Variants in GRM1 observed in about 807,000 individuals in gnomAD.
GRM1 encodes metabotropic glutamate receptor 1.
A neutral mutation model predicts 90.9 loss-of-function variants in GRM1; 33 were observed. The ratio of observed to expected loss-of-function variants is 0.36; its 90% CI spans 0.28 to 0.49. The LOEUF (loss-of-function observed/expected upper bound fraction) is 0.49. Ranked by LOEUF, GRM1 falls within the 20% of genes least tolerant of loss-of-function variation. The pLI is 0.99. For synonymous variants in GRM1, 700 were observed against 613.2 expected, an observed-to-expected ratio of 1.14 and a Z score of -2.09; for missense variants, 1,190 against 1,534.3, an observed-to-expected ratio of 0.78 and a Z score of 3.75.
At chr6:146,293,973 T>TATTTTAATTTTA (rs1783086044) in intron 2 of GRM1, among the ~76,000 whole-genome samples, 1 of 147,222 alleles carries the variant, frequency 6.8e-6, no homozygotes, top group Non-Finnish European at 1.5e-5. Context: ...ATGCTAAATA[T>TATTTTAATTTTA]TGTTTTTTTG....
chr6:146,230,023 G>GAGTAAATA (rs1248337200), intron 2 of GRM1, among the ~76,000 whole-genome samples: 3 of 152,116 alleles, frequency 2.0e-5, no homozygotes, highest in African/African-American at 7.2e-5. Flanking sequence ...TTGCTCTCAG[G>GAGTAAATA]AGTAAATAAA....
chr6:146,409,506 C>A (rs1327311723), intron 7 of GRM1, among the ~76,000 whole-genome samples: 1 of 152,156 alleles, frequency 6.6e-6, no homozygotes, highest in East Asian at 1.9e-4. Flanking sequence ...AAATGCCTCT[C>A]CATTGCCTCG....
chr6:146,124,345 T>A (rs1776114453), intron 1 of GRM1, among the ~76,000 whole-genome samples: 1 of 152,204 alleles, frequency 6.6e-6, no homozygotes, highest in Non-Finnish European at 1.5e-5. Context: ...TCAGTAATAA[T>A]TTCTTCATTG....
At chr6:146,379,979 G>A (rs893054949) in intron 5 of GRM1, among the ~76,000 whole-genome samples, 12 of 151,498 alleles carry the variant, frequency 7.9e-5, no homozygotes, top group South Asian at 4.2e-4. Context: ...TCTCTGTTCT[G>A]AGCCACCTAA....
chr6:146,028,111 G>T (rs1277809904), upstream of GRM1, among the ~76,000 whole-genome samples: 1 of 152,080 alleles, frequency 6.6e-6, no homozygotes, highest in African/African-American at 2.4e-5. Context: ...CTTCAGCCCC[G>T]CAGGCGGCTG....
chr6:146,228,399 C>T (rs1780327298), intron 2 of GRM1, among the ~76,000 whole-genome samples: 1 of 152,134 alleles, frequency 6.6e-6, no homozygotes, highest in Non-Finnish European at 1.5e-5. Context: ...GTTAGGCTCA[C>T]TTTTATATTA....
intron 2 of GRM1, among the ~76,000 whole-genome samples, chr6:146,192,336 A>C (rs1209899100): frequency 6.6e-6 from 1 of 152,184 alleles, no homozygotes; most frequent in African/African-American, 2.4e-5. Context: ...TACATGGAGG[A>C]AAATGTTACC....
intron 1 of GRM1, among the ~76,000 whole-genome samples, chr6:146,093,608 CT>C (rs1288535569): frequency 2.6e-5 from 4 of 152,158 alleles, no homozygotes; most frequent in South Asian, 2.1e-4. Context: ...GTGAACCTCT[CT>C]TTTTTTCTTT....
At chr6:146,355,083 A>G (rs362882) in intron 4 of GRM1, among the ~76,000 whole-genome samples, 4,295 of 152,352 alleles carry the variant, frequency 0.028, 97 homozygotes, top group East Asian at 0.11. Context: ...AAGACATTCT[A>G]GAGCCAGCAT....
At chr6:146,213,972 G>A (rs1434560414) in intron 2 of GRM1, among the ~76,000 whole-genome samples, 1 of 152,098 alleles carries the variant, frequency 6.6e-6, no homozygotes, top group Non-Finnish European at 1.5e-5. Context: ...TGGAGGGCCT[G>A]GAGTCCCAAT....
At chr6:146,233,298 A>T (rs1780509815) in intron 2 of GRM1, among the ~76,000 whole-genome samples, 2 of 152,132 alleles carry the variant, frequency 1.3e-5, no homozygotes, top group South Asian at 4.1e-4. Flanking sequence ...GCTAGGTTCA[A>T]CTTATACTGG....
intron 1 of GRM1, among the ~76,000 whole-genome samples, chr6:146,134,743 C>T (rs1035814417): frequency 6.6e-6 from 1 of 151,934 alleles, no homozygotes; most frequent in African/African-American, 2.4e-5. Context: ...ATCCTGACTA[C>T]CACAGTGAAA....
At chr6:146,053,400 T>G (rs918931965) in intron 1 of GRM1, among the ~76,000 whole-genome samples, 1 of 152,064 alleles carries the variant, frequency 6.6e-6, no homozygotes, top group Non-Finnish European at 1.5e-5. Context: ...CTGATTTAAA[T>G]TACTTTATGT....
At chr6:146,378,386 T>G (rs920521703) in intron 5 of GRM1, among the ~76,000 whole-genome samples, 4 of 152,146 alleles carry the variant, frequency 2.6e-5, no homozygotes, top group Non-Finnish European at 5.9e-5. Context: ...TGGGGCTGTA[T>G]CTGATAAAGC....
rs3064997 is a variant in GRM1 at position 146,043,782 on chromosome 6, G to GATATATATATATATATATATATAT, written c.700+13571_700+13594dup. 6.2e-3 allele frequency among the ~76,000 whole-genome samples: 552 copies of GATATATATATATATATATATATAT among 89,748 alleles called. 7 individuals are homozygous for GATATATATATATATATATATATAT. Among genetic ancestry groups the GATATATATATATATATATATATAT allele is most frequent in the Non-Finnish European group, 0.011 (405 of 37,254 alleles). 58.9% of individuals were successfully genotyped at this position (89,748 alleles called of 152,430 possible). A position where few individuals can be genotyped will look rare whatever the true frequency, so the allele number is the denominator to read the frequency against. ...ACTCTATTTTTGGAAAGAGTCAGGT[G>GATATATATATATATATATATATAT]ATATATATATATATATATATATATA... is the stretch of plus-strand genomic sequence containing the variant. On this transcript the variant is annotated intron_variant, in intron 1 of 7. Transcript: ENST00000282753.
intron 2 of GRM1, among the ~76,000 whole-genome samples, chr6:146,168,431 A>G (rs1562505559): frequency 6.6e-6 from 1 of 151,996 alleles, no homozygotes; most frequent in Non-Finnish European, 1.5e-5. Flanking sequence ...TTCTATATCT[A>G]TTCTTAAACT....
chr6:146,237,853 C>A lies in GRM1; in HGVS notation c.951-66758C>A, dbSNP rs190645049. Among the ~76,000 whole-genome samples the A allele has an allele frequency of 1.2e-3, 177 of 152,208 alleles. 1 individual carries two copies. Among genetic ancestry groups the A allele is most frequent in the Admixed American group, 4.6e-3 (70 of 15,278 alleles). ...ATCCAATTTCATTGTTTTACAAGGG[C>A]GTAAGTACAGACTACGTACTCAAGA... On this transcript the variant is annotated intron_variant, in intron 2 of 7. Coordinates refer to ENST00000282753, the MANE Select transcript of GRM1 (RefSeq NM_001278064.2).
chr6:146,104,721 C>A (rs1015247437), intron 1 of GRM1, among the ~76,000 whole-genome samples: 1 of 152,052 alleles, frequency 6.6e-6, no homozygotes, highest in African/African-American at 2.4e-5. Context: ...CGAGCTCTAG[C>A]GAAATGAACA....
intron 5 of GRM1, among the ~76,000 whole-genome samples, chr6:146,369,404 A>C (rs1318190331): frequency 1.3e-5 from 2 of 151,750 alleles, no homozygotes; most frequent in Non-Finnish European, 2.9e-5. Flanking sequence ...TTTTAGGTGC[A>C]TTATGAGGTT....
Sources: allele counts gnomAD v4.1 joint callset (sites outside exome capture counted in the v4.1 genomes callset), GRCh38; gene constraint gnomAD v4.1.1; transcripts MANE v1.5; gene names NCBI Gene and HGNC (gene_info 2026-07-23, HGNC 2026-07-21).